Variants in TBC1D12 observed in about 807,000 individuals in gnomAD.
TBC1D12 encodes the protein TBC1 domain family member 12, also known as TBC1 domain family, member 12.
A neutral mutation model predicts 86.7 loss-of-function variants in TBC1D12; 56 were observed. The ratio of observed to expected loss-of-function variants is 0.65; its 90% CI spans 0.52 to 0.81. TBC1D12 has a LOEUF of 0.81. TBC1D12 is among the 30% of genes least tolerant of loss of function. The pLI is 0.00. For synonymous variants in TBC1D12, 421 were observed against 411.7 expected (o/e 1.02, Z -0.27); for missense variants, 1,023 against 1,038.8 (o/e 0.98, Z 0.21).
At chr10:94,483,397 CT>C (rs2056107896) in intron 3 of TBC1D12, among the ~76,000 whole-genome samples, 1 of 152,162 alleles carries the variant, frequency 6.6e-6, no homozygotes. Context: ...CAACAGTTCC[CT>C]TTTCCCCATG....
At chr10:94,520,160 G>A (rs940683894) in intron 9 of TBC1D12, among the ~76,000 whole-genome samples, 3 of 152,176 alleles carry the variant, frequency 2.0e-5, no homozygotes. Context: ...AGCACCCTCT[G>A]GGTTTTTCAA....
chr10:94,502,961 T>C (rs2056418026), intron 6 of TBC1D12, among the ~76,000 whole-genome samples: 1 of 152,236 alleles, frequency 6.6e-6, no homozygotes, highest in African/African-American at 2.4e-5. Context: ...TCTGGTCTTT[T>C]TTCTATGTAC....
chr10:94,435,320 T>C (rs149908963), intron 1 of TBC1D12, among the ~76,000 whole-genome samples: 1 of 152,316 alleles, frequency 6.6e-6, no homozygotes, highest in East Asian at 1.9e-4. Flanking sequence ...CAAATTTATA[T>C]CATGTAAATT....
intron 11 of TBC1D12, among the ~76,000 whole-genome samples, chr10:94,528,059 G>GA (rs1400987986): frequency 1.3e-5 from 2 of 151,334 alleles, no homozygotes; most frequent in Non-Finnish European, 2.9e-5. Context: ...TTTGTTGTTT[G>GA]AAGTCTTTTG....
At chr10:94,502,369 A>T (rs2056409185) in intron 6 of TBC1D12, among the ~76,000 whole-genome samples, 1 of 151,746 alleles carries the variant, frequency 6.6e-6, no homozygotes, top group Non-Finnish European at 1.5e-5. Context: ...ATAAATTTTT[A>T]AAATTAGATA....
chr10:94,426,557 T>C (rs1268203787), intron 1 of TBC1D12, among the ~76,000 whole-genome samples: 2 of 152,134 alleles, frequency 1.3e-5, no homozygotes, highest in Non-Finnish European at 2.9e-5. Flanking sequence ...TCCTTTTACA[T>C]ATTGTCAGAT....
chr10:94,467,776 G>T (rs1040752431), intron 2 of TBC1D12, among the ~76,000 whole-genome samples: 4 of 152,140 alleles, frequency 2.6e-5, no homozygotes. Context: ...TGCCCAGGTT[G>T]GGGTGCAGCA....
In TBC1D12 at chr10:94,441,990, C is replaced by T. The variant is rs375979944; in HGVS notation, c.1066C>T (p.Leu356Phe). The change falls in exon 2 of 13, where the codon CTT becomes TTT. Residue 356 changes from leucine (L) to phenylalanine (F), a missense_variant. By Grantham distance (22) the Leu-to-Phe change is conservative (BLOSUM62 0). Coordinates refer to ENST00000225235, the MANE Select transcript of TBC1D12 (RefSeq NM_015188.2). ...TGGTAAAGTCCCTCCTAGAGAGAAT[C>T]TTCAGAAAACATCCAAAATCATTCA... ...LFGKVPPREN[L>F]QKTSKIIQQE... The T allele has an allele frequency of 6.2e-7, 1 of 1,612,508 alleles. No individual in the cohort carries two copies. Among genetic ancestry groups the T allele is most frequent in the African/African-American group, 1.3e-5 (1 of 74,848 alleles).
At chr10:94,529,761 A>C (rs766037171) in intron 11 of TBC1D12, among the ~76,000 whole-genome samples, 31 of 152,292 alleles carry the variant, frequency 2.0e-4, no homozygotes, top group Non-Finnish European at 4.0e-4. Context: ...TCCATTAAGA[A>C]GGAAAAAAAA....
At position 94,441,949 on chromosome 10, in the gene TBC1D12, C is replaced by T; in HGVS notation, c.1025C>T (p.Pro342Leu). ...KELKSVVHSA[P>L]GWKLFGKVPP... The stretch of plus-strand genomic sequence containing the variant: ...CTCAAATCAGTTGTCCATAGTGCTC[C>T]TGGTTGGAAATTATTTGGTAAAGTC... The change falls in exon 2 of 13, where the codon CCT becomes CTT. Residue 342 changes from proline to leucine, a missense_variant. Physicochemically the swap from Pro to Leu is moderately conservative, Grantham distance 98 (BLOSUM62 -3). Around this residue, in one of 2 missense-constraint regions of TBC1D12, gnomAD observed 628 missense variants for 531.1 expected, o/e 1.18. Transcript: ENST00000225235. The T allele has an allele frequency of 6.2e-7, 1 of 1,613,358 alleles. No individual in the cohort carries two copies. The highest frequency in any genetic ancestry group is 8.5e-7 in the Non-Finnish European group (1 of 1,179,670).
At position 94,496,271 on chromosome 10, in the gene TBC1D12, G is replaced by A. The variant is rs540042507; in HGVS notation, c.1295-784G>A. ...AAGTTTTGATTTATGACTCACTTTC[G>A]TCTGTATTTGAGACATCTCTTCTTC... On this transcript the variant is annotated intron_variant, in intron 4 of 12. Transcript: ENST00000225235. 9.9e-5 allele frequency among the ~76,000 whole-genome samples: 15 copies of A among 152,110 alleles called. No homozygotes were observed. The South Asian group carries it at 1.2e-3, about 13-fold the overall frequency.
chr10:94,422,371 G>A (rs914600191), intron 1 of TBC1D12, among the ~76,000 whole-genome samples: 2 of 151,612 alleles, frequency 1.3e-5, no homozygotes, highest in African/African-American at 2.4e-5. Context: ...TGTATTTTTA[G>A]TAGAGACAGG....
chr10:94,460,374 C>T (rs1002046647), intron 2 of TBC1D12, among the ~76,000 whole-genome samples: 2 of 151,914 alleles, frequency 1.3e-5, no homozygotes, highest in South Asian at 2.1e-4. Context: ...TGAAGGATAA[C>T]TTTGTAGGGT....
chr10:94,512,056 C>T (rs570227128), intron 9 of TBC1D12, among the ~76,000 whole-genome samples: 2 of 152,266 alleles, frequency 1.3e-5, no homozygotes, highest in Middle Eastern at 3.4e-3. Flanking sequence ...CTTATACAGA[C>T]TTTCACCCAA....
chr10:94,527,082 T>TTGTGTGTGTGTGTGTGTGTG (rs60647037), intron 11 of TBC1D12, among the ~76,000 whole-genome samples: 35 of 148,342 alleles, frequency 2.4e-4, no homozygotes, highest in African/African-American at 8.2e-4. Flanking sequence ...GCTGGATTGA[T>TTGTGTGTGTGTGTGTGTGTG]TGTGTGTGTG....
rs1200920395 is a variant in TBC1D12 at position 94,534,533 on chromosome 10, C to A, written c.*1437C>A. The A allele has an allele frequency of 1.3e-5, 2 of 152,144 alleles. No homozygotes were observed. The highest frequency in any genetic ancestry group is 1.3e-4 in the Admixed American group (2 of 15,266). The allele number at this position is 152,144 out of a possible 1,614,324, so 9.4% of individuals were successfully genotyped here. A position where few individuals can be genotyped will look rare whatever the true frequency, so the allele number is the denominator to read the frequency against. On this transcript the variant is annotated 3_prime_UTR_variant, in exon 13 of 13. Transcript: ENST00000225235. ...CTCTTCACTGTGTTTTTGGATCAGC[C>A]TTCTCTCAACCGCCAAGAAATGCAT...
intron 2 of TBC1D12, among the ~76,000 whole-genome samples, chr10:94,468,501 T>G (rs921186114): frequency 6.6e-6 from 1 of 152,200 alleles, no homozygotes; most frequent in Non-Finnish European, 1.5e-5. Context: ...CTTCAGCAGT[T>G]TAAAGATTTT....
At chr10:94,490,816 G>A (rs549331134) in intron 3 of TBC1D12, among the ~76,000 whole-genome samples, 1 of 152,046 alleles carries the variant, frequency 6.6e-6, no homozygotes, top group East Asian at 1.9e-4. Flanking sequence ...CTATCAGGAG[G>A]CCTTTCCACT....
rs1050660586 is a variant in TBC1D12 at position 94,531,211 on chromosome 10, A to C, written c.2010A>C (p.Thr670=). 1.2e-5 allele frequency: 20 copies of C among 1,607,596 alleles called. No homozygotes were observed. Among genetic ancestry groups the C allele is most frequent in the Non-Finnish European group, 1.4e-5 (17 of 1,176,294 alleles). ...PDIYLIDWIF[T]LYSKSLPLDL... is the part of the protein sequence containing the mutation. Reference sequence around the variant, plus strand: ...TTCCCTCTAATTTTAGGATCTTCACACTATATAGCAAATCACTACCACTTG... The same window carrying C: ...TTCCCTCTAATTTTAGGATCTTCACCCTATATAGCAAATCACTACCACTTG... The change falls in exon 12 of 13, where the codon ACA becomes ACC. Residue 670 remains threonine, a synonymous_variant. Coordinates refer to ENST00000225235, the MANE Select transcript of TBC1D12 (RefSeq NM_015188.2).
Sources: allele counts gnomAD v4.1 joint callset (sites outside exome capture counted in the v4.1 genomes callset), GRCh38; gene constraint gnomAD v4.1.1; regional missense constraint gnomAD v4.1.1; transcripts MANE v1.5; gene names NCBI Gene and HGNC (gene_info 2026-07-23, HGNC 2026-07-21).